The following DEFB109B variants were observed in gnomAD, a reference collection of about 807,000 sequenced individuals.
DEFB109B encodes defensin beta 109B.
At chr8:7,310,663 G>A (rs1474701622), upstream of DEFB109B, among the ~76,000 whole-genome samples, 2 of 146,562 alleles carry the variant, frequency 1.4e-5, no homozygotes, top group Non-Finnish European at 2.9e-5. Context: ...CTCCACATAG[G>A]TTTGGGGCTG....
upstream of DEFB109B, among the ~76,000 whole-genome samples, chr8:7,311,939 T>A (rs1469388063): frequency 8.2e-6 from 1 of 122,466 alleles, no homozygotes; most frequent in Non-Finnish European, 1.5e-5. Context: ...ACAAAGCTCT[T>A]TTGTGATTTC....
At chr8:7,312,293 G>A (rs1290552600), upstream of DEFB109B, among the ~76,000 whole-genome samples, 4 of 139,072 alleles carry the variant, frequency 2.9e-5, no homozygotes, top group Admixed American at 1.4e-4. Flanking sequence ...TTAACAATAA[G>A]GTATTTTGTA....
intron 1 of DEFB109B, chr8:7,319,309 C>T (rs1394044168): frequency 7.0e-6 from 1 of 143,278 alleles, no homozygotes; most frequent in African/African-American, 3.0e-5. Flanking sequence ...AAAACAGCTG[C>T]TGAAATCAGC....
At chr8:7,315,600 G>A (rs942219361) in intron 1 of DEFB109B, among the ~76,000 whole-genome samples, 13 of 132,224 alleles carry the variant, frequency 9.8e-5, no homozygotes, top group Non-Finnish European at 6.0e-5. Context: ...GTGTGTTTGG[G>A]CCCCTACTGA....
In DEFB109B at chr8:7,315,941, T is replaced by C. The variant is rs1010699119; in HGVS notation, n.58+3038T>C. ...AGTAAAAGTTCACTTCTTTCCAGAA[T>C]CCCCCCATGTCAGAAAGTATTACTA... On this transcript the variant is annotated intron_variant and non_coding_transcript_variant, in intron 1 of 1. Transcript: ENST00000382656. 1.1e-3 allele frequency among the ~76,000 whole-genome samples: 56 copies of C among 48,742 alleles called. 2 individuals carry two copies. Among genetic ancestry groups the C allele is most frequent in the African/African-American group, 6.7e-3 (47 of 7,048 alleles). The allele number at this position is 48,742 out of a possible 152,430, so 32.0% of individuals were successfully genotyped here.
intron 1 of DEFB109B, among the ~76,000 whole-genome samples, chr8:7,315,496 C>CA (rs140776655): frequency 0.13 from 11,921 of 93,844 alleles, 920 homozygotes; most frequent in East Asian, 0.2. Context: ...GAGACTCCGT[C>CA]AAAAAAAAAA....
At chr8:7,315,193 A>C in intron 1 of DEFB109B, among the ~76,000 whole-genome samples, 1 of 87,472 alleles carries the variant, frequency 1.1e-5, no homozygotes. Context: ...ATCTGATCTT[A>C]CCTAGGAGCA....
chr8:7,319,263 G>A (rs1306183766), intron 1 of DEFB109B: 3 of 132,942 alleles, frequency 2.3e-5, no homozygotes. Flanking sequence ...GAGAGAGAGA[G>A]AGAGAGTGAA....
intron 1 of DEFB109B, among the ~76,000 whole-genome samples, chr8:7,315,246 G>A (rs1349134176): frequency 2.5e-5 from 3 of 120,004 alleles, no homozygotes; most frequent in Admixed American, 1.6e-4. Flanking sequence ...GGCCACACGC[G>A]GTGGCTCACG....
chr8:7,313,347 T>A (rs1433595377), intron 1 of DEFB109B, among the ~76,000 whole-genome samples: 3 of 142,154 alleles, frequency 2.1e-5, no homozygotes, highest in Non-Finnish European at 4.5e-5. Context: ...AGATGGATGG[T>A]ATCCTATCAA....
At chr8:7,315,844 C>G (rs1249167931) in intron 1 of DEFB109B, among the ~76,000 whole-genome samples, 2 of 142,568 alleles carry the variant, frequency 1.4e-5, no homozygotes, top group Admixed American at 6.8e-5. Context: ...AATCTATGAT[C>G]TATAGATTAT....
At chr8:7,319,720 A>T (rs557861417) in intron 1 of DEFB109B, 26 bp from the exon 2 acceptor site, 2 of 148,310 alleles carry the variant, frequency 1.3e-5, no homozygotes, top group African/African-American at 5.5e-5. Context: ...TGGACTAACT[A>T]TCTCACTGGA....
At chr8:7,318,523 G>C (rs1269159063) in intron 1 of DEFB109B, 1 of 120,310 alleles carries the variant, frequency 8.3e-6, no homozygotes, top group Non-Finnish European at 1.6e-5. Flanking sequence ...TCAGTAGACA[G>C]ATGTGAATAA....
intron 1 of DEFB109B, among the ~76,000 whole-genome samples, chr8:7,315,763 T>G (rs1239381927): frequency 4.2e-5 from 6 of 144,012 alleles, no homozygotes; most frequent in Non-Finnish European, 8.8e-5. Flanking sequence ...CTTTTTTCAG[T>G]AGGGCTTCAT....
chr8:7,312,093 G>T (rs1362843067), upstream of DEFB109B, among the ~76,000 whole-genome samples: 7 of 98,198 alleles, frequency 7.1e-5, no homozygotes, highest in Non-Finnish European at 1.3e-4. Flanking sequence ...CTTTACTTGG[G>T]TGGGGGGGGG....
At chr8:7,319,029 G>T (rs1485929465) in intron 1 of DEFB109B, 1 of 139,250 alleles carries the variant, frequency 7.2e-6, no homozygotes, top group South Asian at 2.1e-4. Flanking sequence ...GTTTAAACAG[G>T]TGAAACCACG....
chr8:7,312,320 G>C (rs186962193), upstream of DEFB109B, among the ~76,000 whole-genome samples: 1 of 138,946 alleles, frequency 7.2e-6, no homozygotes, highest in Non-Finnish European at 1.5e-5. Flanking sequence ...AATTTGTTAA[G>C]AGGGTCGATC....
intron 1 of DEFB109B, chr8:7,319,397 G>GCTCTCAGT (rs1344553150): frequency 6.9e-6 from 1 of 145,216 alleles, no homozygotes. Context: ...CCACAAGGTG[G>GCTCTCAGT]AAGCACCAGG....
intron 1 of DEFB109B, among the ~76,000 whole-genome samples, chr8:7,316,734 C>G (rs1028776842): frequency 1.4e-4 from 20 of 143,464 alleles, no homozygotes; most frequent in Non-Finnish European, 2.4e-4. Context: ...TCAAGTGATT[C>G]TCCTGCCTCA....
Sources: allele counts gnomAD v4.1 joint callset (sites outside exome capture counted in the v4.1 genomes callset), GRCh38; gene constraint gnomAD v4.1.1; transcripts MANE v1.5; gene names NCBI Gene and HGNC (gene_info 2026-07-23, HGNC 2026-07-21).